The following IFT140 variants were observed in gnomAD, a reference collection of about 807,000 sequenced individuals.
IFT140 encodes intraflagellar transport protein 140 homolog.
In IFT140, 133 loss-of-function variants were observed where a neutral mutation model predicts 164.6. The ratio of observed to expected loss-of-function variants is 0.81; its 90% CI spans 0.70 to 0.93. IFT140 has a LOEUF of 0.93. IFT140 is among the 40% of genes least tolerant of loss of function. The probability of loss-of-function intolerance (pLI) is 0.00; values close to 1 mark genes in which losing one functional copy is unlikely to be tolerated. For missense variants in IFT140, 2,045 were observed against 1,972.3 expected, an observed-to-expected ratio of 1.04 and a Z score of -0.70; for synonymous variants, 860 against 817.3, an observed-to-expected ratio of 1.05 and a Z score of -0.89.
At chr16:1,557,751 G>C in intron 19 of IFT140, 184 bp downstream of exon 19, 1 of 630,106 alleles carries the variant, frequency 1.6e-6, no homozygotes, top group South Asian at 1.9e-5. Flanking sequence ...GAGGCTGAGA[G>C]CTTCCCACGT....
chr16:1,556,629 C>T (rs2141448868), intron 19 of IFT140, among the ~76,000 whole-genome samples: 1 of 152,328 alleles, frequency 6.6e-6, no homozygotes, highest in Non-Finnish European at 1.5e-5. Context: ...CATTTACGGA[C>T]TGACTGTCTA....
At chr16:1,569,639 G>A (rs1034000730) in intron 14 of IFT140, among the ~76,000 whole-genome samples, 8 of 150,794 alleles carry the variant, frequency 5.3e-5, no homozygotes, top group African/African-American at 2.0e-4. Context: ...CGCCCAGGCT[G>A]TAGTGCAGTG....
At chr16:1,571,740 C>T (rs1272732299) in intron 13 of IFT140, among the ~76,000 whole-genome samples, 3 of 152,198 alleles carry the variant, frequency 2.0e-5, no homozygotes, top group Non-Finnish European at 4.4e-5. Flanking sequence ...GACTCTAGTG[C>T]TGCGGGGGAA....
chr16:1,548,730 G>A (rs1051045749), intron 19 of IFT140, among the ~76,000 whole-genome samples: 1 of 152,214 alleles, frequency 6.6e-6, no homozygotes, highest in African/African-American at 2.4e-5. Flanking sequence ...ACGTAGGGAA[G>A]GTGGGAAGGA....
chr16:1,606,926 G>GCA (rs370198743), intron 3 of IFT140, among the ~76,000 whole-genome samples, 194 bp downstream of exon 3: 6 of 150,054 alleles, frequency 4.0e-5, no homozygotes, highest in South Asian at 2.1e-4. Context: ...CCACGTGTGC[G>GCA]CACACACACA....
intron 19 of IFT140, among the ~76,000 whole-genome samples, chr16:1,549,150 G>A (rs2032428223): frequency 6.6e-6 from 1 of 152,374 alleles, no homozygotes; most frequent in South Asian, 2.1e-4. Context: ...ACTGGCGTCC[G>A]AGGGCGCTGT....
chr16:1,526,910 G>C lies in IFT140; in HGVS notation c.2400-114C>G. On this transcript the variant is annotated intron_variant, in intron 19 of 30. Coordinates refer to ENST00000426508, the MANE Select transcript of IFT140 (RefSeq NM_014714.4). ...TCAGGCACAGCTGCCAAACGGGCAT[G>C]AGGAGGGGCCTTCACCCATCGGCTC... The C allele has an allele frequency of 1.2e-5, 15 of 1,206,328 alleles. No individual in the cohort carries two copies. In the South Asian group the frequency reaches 2.3e-4, roughly 18 times the overall value. The allele number at this position is 1,206,328 out of a possible 1,614,324, so 74.7% of individuals were successfully genotyped here.
chr16:1,515,472 T>C (rs1039953445), intron 30 of IFT140, among the ~76,000 whole-genome samples: 2 of 152,166 alleles, frequency 1.3e-5, no homozygotes, highest in Admixed American at 6.6e-5. Context: ...AGTGGTGCTA[T>C]CACAGCTCAC....
chr16:1,513,365 G>A (rs1286860717), intron 30 of IFT140: 1 of 152,132 alleles, frequency 6.6e-6, no homozygotes, highest in Non-Finnish European at 1.5e-5. Flanking sequence ...GCTGGGCGTG[G>A]TGGCGGGAAC....
chr16:1,545,156 G>C (rs1765454684), intron 19 of IFT140, among the ~76,000 whole-genome samples: 1 of 152,242 alleles, frequency 6.6e-6, no homozygotes, highest in African/African-American at 2.4e-5. Flanking sequence ...AGCATTCCCG[G>C]GGGACAGGGC....
At chr16:1,586,711 G>A (rs774204941) in intron 9 of IFT140, among the ~76,000 whole-genome samples, 11 of 152,112 alleles carry the variant, frequency 7.2e-5, no homozygotes, top group African/African-American at 1.2e-4. Flanking sequence ...AGCAGGAATC[G>A]GTTTGCTTCT....
chr16:1,533,980 A>C lies in IFT140; in HGVS notation c.2400-7184T>G. The C allele has an allele frequency of 2.2e-6, 1 of 448,970 alleles. No homozygotes were observed. Among genetic ancestry groups the C allele is most frequent in the Non-Finnish European group, 3.9e-6 (1 of 253,906 alleles). 27.8% of individuals were successfully genotyped at this position (448,970 alleles called of 1,614,324 possible). A position where few individuals can be genotyped will look rare whatever the true frequency, so the allele number is the denominator to read the frequency against. On this transcript the variant is annotated intron_variant, in intron 19 of 30. Transcript: ENST00000426508. This position sits in a 1 kb window ranked among gnomAD's most constrained non-coding sequence, Gnocchi z 4.7. The stretch of plus-strand genomic sequence containing the variant: ...ACAGGCCGGCCTCCGCTTCCCGGGA[A>C]GACGGCGCACTCCTGGCCCTGGGTT...
chr16:1,610,439 C>A (rs1000310446), intron 2 of IFT140: 1 of 154,662 alleles, frequency 6.5e-6, no homozygotes, highest in Non-Finnish European at 1.5e-5. Flanking sequence ...CGATTCGAGG[C>A]CGGGCGGGGG....
rs200356624 is a variant in IFT140 at position 1,592,612 on chromosome 16, T to C, written c.370-24A>G. On this transcript the variant is annotated intron_variant, in intron 4 of 30. Coordinates refer to ENST00000426508, the MANE Select transcript of IFT140 (RefSeq NM_014714.4). Reference sequence around the variant, plus strand: ...AGCTGGAAAGACCCAACACCACGTGTTAGGACAGGTGTCCCGGCAGAGCGA... The same window carrying C: ...AGCTGGAAAGACCCAACACCACGTGCTAGGACAGGTGTCCCGGCAGAGCGA... 3.4e-5 allele frequency: 55 copies of C among 1,609,548 alleles called. No homozygotes were observed. The East Asian group carries it at 1.2e-3, about 35-fold the overall frequency.
At position 1,610,674 on chromosome 16, in the gene IFT140, C is replaced by G. The variant is rs991989314; in HGVS notation, c.-42G>C. On this transcript the variant is annotated 5_prime_UTR_variant, in exon 2 of 31. Transcript: ENST00000426508. ...CCTAAGGCCACTCACCTCTGCCAGG[C>G]CGCTGAGCCGCCGCGCGTTGCCGGG... is the stretch of plus-strand genomic sequence containing the variant. 4.6e-5 allele frequency: 7 copies of G among 152,512 alleles called. No individual in the cohort carries two copies. Among genetic ancestry groups the G allele is most frequent in the East Asian group, 1.9e-4 (1 of 5,200 alleles). The allele number at this position is 152,512 out of a possible 1,614,324, so 9.4% of individuals were successfully genotyped here. A position where few individuals can be genotyped will look rare whatever the true frequency, so the allele number is the denominator to read the frequency against.
At chr16:1,556,246 C>A (rs1306167946) in intron 19 of IFT140, among the ~76,000 whole-genome samples, 3 of 152,248 alleles carry the variant, frequency 2.0e-5, no homozygotes, top group African/African-American at 7.2e-5. Context: ...AGCTGTAAGT[C>A]CTTGAGTTGG....
intron 13 of IFT140, among the ~76,000 whole-genome samples, chr16:1,575,374 G>A (rs1262893064): frequency 4.6e-5 from 7 of 151,198 alleles, no homozygotes; most frequent in Admixed American, 3.3e-4. Context: ...GATCTTATCT[G>A]TAAAAAAATA....
intron 2 of IFT140, 102 bp from the exon 3 acceptor site, chr16:1,607,399 CG>C: frequency 9.5e-7 from 1 of 1,051,028 alleles, no homozygotes; most frequent in Non-Finnish European, 1.4e-6. Context: ...AAGCCACCAT[CG>C]GAAGACCATC....
At chr16:1,576,529 T>G (rs2034284903) in intron 13 of IFT140, among the ~76,000 whole-genome samples, 1 of 151,066 alleles carries the variant, frequency 6.6e-6, no homozygotes, top group Non-Finnish European at 1.5e-5. Context: ...GAGGCGGAGC[T>G]TGCAGTGAGC....
Sources: allele counts gnomAD v4.1 joint callset (sites outside exome capture counted in the v4.1 genomes callset), GRCh38; gene constraint gnomAD v4.1.1; non-coding constraint Gnocchi (gnomAD v3.1); transcripts MANE v1.5; gene names NCBI Gene and HGNC (gene_info 2026-07-23, HGNC 2026-07-21).